Variants in DNAH6 observed in about 807,000 individuals in gnomAD.
DNAH6 encodes the protein axonemal beta dynein heavy chain 6.
A neutral mutation model predicts 491.4 loss-of-function variants in DNAH6; 340 were observed. The observed-to-expected ratio is 0.69, with a 90% confidence interval of 0.63 to 0.76. DNAH6 has a LOEUF of 0.76. Among genes scored for constraint, DNAH6 ranks in the 30% least tolerant of loss-of-function variants. The pLI is 0.00. For synonymous variants in DNAH6, 1,603 were observed against 1,686.1 expected (o/e 0.95, Z 1.21); for missense variants, 4,443 against 4,972.2 (o/e 0.89, Z 3.20).
chr2:84,774,745 T>C (rs554452972), intron 64 of DNAH6, among the ~76,000 whole-genome samples: 1 of 152,272 alleles, frequency 6.6e-6, no homozygotes, highest in South Asian at 2.1e-4. Context: ...TTTGCAGTTC[T>C]CCTTGTAGAG....
rs970943588 is a variant in DNAH6 at position 84,688,569 on chromosome 2, A to T, written c.7268A>T (p.Gln2423Leu). The change falls in exon 45 of 77, where the codon CAG becomes CTG. Residue 2423 changes from glutamine to leucine, a missense_variant. Gln to Leu is a moderately radical substitution (Grantham distance 113). Coordinates refer to ENST00000389394, the MANE Select transcript of DNAH6 (RefSeq NM_001370.2). ...NPKEVKLVFFQDAIEHVSRIA... is the reference protein window; with the variant it reads ...NPKEVKLVFFLDAIEHVSRIA... Reference sequence around the variant, plus strand: ...AAAGAAGTAAAGTTGGTGTTCTTCCAGGATGCTATAGAACATGTTTCAAGG... The same window carrying T: ...AAAGAAGTAAAGTTGGTGTTCTTCCTGGATGCTATAGAACATGTTTCAAGG... 9.1e-6 allele frequency: 14 copies of T among 1,543,292 alleles called. No individual in the cohort carries two copies. The highest frequency in any genetic ancestry group is 1.1e-5 in the Non-Finnish European group (13 of 1,145,272).
At chr2:84,503,220 G>A in the DNAH6 span, among the ~76,000 whole-genome samples, 1 of 151,978 alleles carries the variant, frequency 6.6e-6, no homozygotes, top group Non-Finnish European at 1.5e-5. Context: ...ATGTTAACCT[G>A]ATAACAACTT....
chr2:84,527,733 G>A (rs1358316452), intron 3 of DNAH6, among the ~76,000 whole-genome samples: 2 of 152,110 alleles, frequency 1.3e-5, no homozygotes, highest in Non-Finnish European at 2.9e-5. Context: ...AACTTGCTAG[G>A]TGTTGTCAAA....
intron 18 of DNAH6, among the ~76,000 whole-genome samples, chr2:84,598,380 T>C (rs1376483071): frequency 6.6e-6 from 1 of 152,138 alleles, no homozygotes; most frequent in African/African-American, 2.4e-5. Flanking sequence ...TACCATAGTT[T>C]GTTTATCCAT....
rs1222781811 is a variant in DNAH6, at chr2:84,819,515, T to G, written c.*107T>G. 4 of 675,726 alleles carry G rather than the reference T, an allele frequency of 5.9e-6. No individual in the cohort carries two copies. Among genetic ancestry groups the G allele is most frequent in the African/African-American group, 5.5e-5 (3 of 54,384 alleles). 41.9% of individuals were successfully genotyped at this position (675,726 alleles called of 1,614,324 possible). ...TGAGCAAAACGGTGTTAATTCTGAT[T>G]TGACTTAAACGTATTGTGACTTTTA... On this transcript the variant is annotated 3_prime_UTR_variant, in exon 77 of 77. Coordinates refer to ENST00000389394, the MANE Select transcript of DNAH6 (RefSeq NM_001370.2).
intron 58 of DNAH6, among the ~76,000 whole-genome samples, chr2:84,715,901 G>C (rs1321790650): frequency 6.6e-6 from 1 of 152,022 alleles, no homozygotes; most frequent in Non-Finnish European, 1.5e-5. Context: ...GCCCAGCCCT[G>C]CCTCTTCCCT....
chr2:84,515,048 C>A (rs1675499932), upstream of DNAH6, among the ~76,000 whole-genome samples: 1 of 152,150 alleles, frequency 6.6e-6, no homozygotes, highest in Non-Finnish European at 1.5e-5. Flanking sequence ...ATTTTCACTG[C>A]ACATCTGAAA....
intron 40 of DNAH6, among the ~76,000 whole-genome samples, chr2:84,672,803 T>G (rs1353579843): frequency 2.0e-5 from 3 of 152,230 alleles, no homozygotes; most frequent in Admixed American, 2.0e-4. Context: ...TTATCTCCTC[T>G]TTATTTGGAC....
intron 49 of DNAH6, among the ~76,000 whole-genome samples, chr2:84,702,159 G>A (rs1314846267): frequency 1.3e-5 from 2 of 152,174 alleles, no homozygotes; most frequent in Non-Finnish European, 2.9e-5. Context: ...TGGGGTATCA[G>A]CCAAACTGTG....
In DNAH6 at chr2:84,549,886, A is replaced by T; in HGVS notation, c.1317-3A>T. ...AATTGTATTAGTTTTTTTTCTTTTC[A>T]AGCTTTATTCGTCTAAACGACTATC... is the stretch of plus-strand genomic sequence containing the variant. On this transcript the variant is annotated splice_region_variant and splice_polypyrimidine_tract_variant and intron_variant, in intron 8 of 76. Coordinates refer to ENST00000389394, the MANE Select transcript of DNAH6 (RefSeq NM_001370.2). 1 of 1,575,498 alleles carries T rather than the reference A, an allele frequency of 6.3e-7. No individual in the cohort carries two copies.
chr2:84,584,219 A>G lies in DNAH6; in HGVS notation c.2450A>G (p.Asn817Ser). Reference protein sequence around the residue: ...HLGSDLEELNNEVNEVKLQAQ... With the variant: ...HLGSDLEELNSEVNEVKLQAQ... ...GGTAGTGATCTTGAAGAATTAAACA[A>G]CGAAGTGAATGAAGTAAAACTGCAA... Residue 817 changes from asparagine to serine, a missense_variant, in exon 15 of 77, where the codon AAC becomes AGC. This residue lies in a region of DNAH6 where 2,977 missense variants were observed against 3,296.6 expected (regional missense o/e 0.90). Coordinates refer to ENST00000389394, the MANE Select transcript of DNAH6 (RefSeq NM_001370.2). The G allele has an allele frequency of 6.2e-7, 1 of 1,614,174 alleles. No homozygotes were observed. Among genetic ancestry groups the G allele is most frequent in the Admixed American group, 1.7e-5 (1 of 60,028 alleles).
chr2:84,640,834 T>C (rs1053705772), intron 32 of DNAH6, among the ~76,000 whole-genome samples: 1 of 152,208 alleles, frequency 6.6e-6, no homozygotes, highest in Admixed American at 6.5e-5. Flanking sequence ...TAGGATAATA[T>C]TCACTTCTCC....
Position 84,666,786 on chromosome 2 carries a change from G to T in DNAH6, c.6085-2503G>T, listed in dbSNP as rs181994669. 1.0e-3 allele frequency among the ~76,000 whole-genome samples: 157 copies of T among 152,256 alleles called. 1 individual carries two copies. The highest frequency in any genetic ancestry group is 8.9e-3 in the East Asian group (46 of 5,188). On this transcript the variant is annotated intron_variant, in intron 37 of 76. Coordinates refer to ENST00000389394, the MANE Select transcript of DNAH6 (RefSeq NM_001370.2). ...ATGGAACCAAAAAAGAGCCCACATT[G>T]CCAAGACAATCCTAAGCCAAAGGAA... is the stretch of plus-strand genomic sequence containing the variant.
intron 20 of DNAH6, among the ~76,000 whole-genome samples, chr2:84,606,333 T>G (rs1269640602): frequency 6.6e-6 from 1 of 152,114 alleles, no homozygotes; most frequent in East Asian, 1.9e-4. Context: ...GGTCAGTAAG[T>G]TTAGGCCAAT....
chr2:84,785,231 T>C (rs887076569), intron 66 of DNAH6, among the ~76,000 whole-genome samples: 11 of 152,252 alleles, frequency 7.2e-5, no homozygotes, highest in Non-Finnish European at 1.6e-4. Context: ...CTTCCCTCCC[T>C]GTCCCACGTC....
At chr2:84,518,182 CT>C in intron 2 of DNAH6, 131 bp downstream of exon 2, 1 of 661,260 alleles carries the variant, frequency 1.5e-6, no homozygotes, top group Non-Finnish European at 2.6e-6. Flanking sequence ...ATAATAACTG[CT>C]TATGTAGTTG....
intron 63 of DNAH6, among the ~76,000 whole-genome samples, chr2:84,759,306 G>A (rs1397261684): frequency 6.6e-6 from 1 of 151,782 alleles, no homozygotes; most frequent in Non-Finnish European, 1.5e-5. Flanking sequence ...TCAGGAGTTC[G>A]AGACCAGCCT....
chr2:84,543,662 AC>A (rs1678482425), intron 4 of DNAH6, among the ~76,000 whole-genome samples: 1 of 151,890 alleles, frequency 6.6e-6, no homozygotes, highest in Non-Finnish European at 1.5e-5. Context: ...TCTTTTCTTT[AC>A]TTGATCAGTT....
intron 45 of DNAH6, among the ~76,000 whole-genome samples, chr2:84,689,604 T>C (rs185823347): frequency 4.1e-4 from 63 of 152,246 alleles, no homozygotes; most frequent in Non-Finnish European, 7.8e-4. Context: ...TTTGACATAG[T>C]CTTGGAAGTC....
Sources: gnomAD v4.1 joint callset for allele counts (sites outside exome capture counted in the v4.1 genomes callset) on GRCh38, gnomAD v4.1.1 for gene constraint, gnomAD v4.1.1 regional missense constraint, MANE v1.5 for transcripts, NCBI Gene and HGNC (gene_info 2026-07-23, HGNC 2026-07-21) for gene names.